MTHFD1L: variants seen among roughly 807,000 people sequenced by gnomAD.
MTHFD1L encodes the protein methylenetetrahydrofolate dehydrogenase (NADP+ dependent) 1 like.
In MTHFD1L, 81 loss-of-function variants were observed where a neutral mutation model predicts 119.5. The ratio of observed to expected loss-of-function variants is 0.68; its 90% CI spans 0.57 to 0.82. The LOEUF is 0.82. Ranked by LOEUF, MTHFD1L falls within the 40% of genes least tolerant of loss-of-function variation. The pLI is 0.00. For synonymous variants in MTHFD1L, 430 were observed against 475.2 expected, an observed-to-expected ratio of 0.90 and a Z score of 1.24; for missense variants, 1,125 against 1,253.4, an observed-to-expected ratio of 0.90 and a Z score of 1.55.
At chr6:151,070,003 T>C (rs1388723418) in intron 26 of MTHFD1L, among the ~76,000 whole-genome samples, 3 of 152,214 alleles carry the variant, frequency 2.0e-5, no homozygotes, top group Non-Finnish European at 2.9e-5. Flanking sequence ...AAGGTGTCTT[T>C]TTTTTAAGTT....
At chr6:151,001,716 C>T (rs1584051426) in intron 20 of MTHFD1L, among the ~76,000 whole-genome samples, 1 of 152,094 alleles carries the variant, frequency 6.6e-6, no homozygotes, top group African/African-American at 2.4e-5. Flanking sequence ...ACCTGTGTGG[C>T]CTGTTCCTGC....
At position 151,095,846 on chromosome 6, in the gene MTHFD1L, C is replaced by T. The variant is rs573839657; in HGVS notation, c.*31+3259C>T. 8.5e-5 allele frequency among the ~76,000 whole-genome samples: 13 copies of T among 152,360 alleles called. No homozygotes were observed. In the South Asian group the frequency reaches 2.3e-3, roughly 27 times the overall value. ...CTTGCCACCCTGTGGCACTGCCTCT[C>T]ATTTCATAGCTGGCACATGTCATTT... is the stretch of plus-strand genomic sequence containing the variant. On this transcript the variant is annotated intron_variant, in intron 27 of 27. Transcript: ENST00000367321.
At chr6:151,038,427 G>A (rs1786539285) in intron 26 of MTHFD1L, among the ~76,000 whole-genome samples, 1 of 152,134 alleles carries the variant, frequency 6.6e-6, no homozygotes, top group South Asian at 2.1e-4. Context: ...GGTGGCTGGG[G>A]ATGGGAATGG....
At chr6:150,999,751 TA>T (rs1780342555) in intron 20 of MTHFD1L, among the ~76,000 whole-genome samples, 1 of 152,206 alleles carries the variant, frequency 6.6e-6, no homozygotes, top group Non-Finnish European at 1.5e-5. Flanking sequence ...TGGTTCTAAA[TA>T]ATGTAAACCG....
intron 6 of MTHFD1L, 79 bp from the exon 7 acceptor site, chr6:150,887,766 C>G: frequency 1.4e-6 from 2 of 1,447,540 alleles, no homozygotes; most frequent in Non-Finnish European, 1.8e-6. Context: ...CTAAAAGGGT[C>G]TTTTTTTCTT....
chr6:150,904,429 G>A (rs2295083), intron 7 of MTHFD1L, among the ~76,000 whole-genome samples: 29,607 of 152,056 alleles, frequency 0.19, 2,949 homozygotes, highest in African/African-American at 0.24. Context: ...TTCACTAGGA[G>A]ACACAGGACA....
chr6:150,971,784 T>A (rs1332542518), intron 19 of MTHFD1L, among the ~76,000 whole-genome samples, 163 bp from the exon 20 acceptor site: 1 of 152,194 alleles, frequency 6.6e-6, no homozygotes, highest in Non-Finnish European at 1.5e-5. Flanking sequence ...GGGAATTTGG[T>A]CCTTTGATTG....
chr6:150,945,220 G>A (rs1015190873), intron 14 of MTHFD1L, among the ~76,000 whole-genome samples: 76 of 152,350 alleles, frequency 5.0e-4, no homozygotes, highest in Middle Eastern at 3.4e-3. Flanking sequence ...GGTAGTTGTA[G>A]CGATATAGAT....
chr6:151,008,974 T>C (rs1449819092), intron 20 of MTHFD1L, among the ~76,000 whole-genome samples: 1 of 150,080 alleles, frequency 6.7e-6, no homozygotes, highest in Non-Finnish European at 1.5e-5. Flanking sequence ...AAAAAAAAAT[T>C]AGCCGGGTGT....
intron 26 of MTHFD1L, among the ~76,000 whole-genome samples, chr6:151,038,548 TTTTG>T (rs1786564336): frequency 6.6e-6 from 1 of 152,038 alleles, no homozygotes; most frequent in Non-Finnish European, 1.5e-5. Flanking sequence ...AGGGTGGGTT[TTTTG>T]TTTGTTTGTT....
intron 1 of MTHFD1L, among the ~76,000 whole-genome samples, chr6:150,873,616 A>G (rs1779912321): frequency 6.6e-6 from 1 of 152,102 alleles, no homozygotes; most frequent in African/African-American, 2.4e-5. Context: ...CTCTGTTAAA[A>G]ATGCACATTT....
intron 7 of MTHFD1L, among the ~76,000 whole-genome samples, chr6:150,899,401 T>A (rs1784764174): frequency 6.6e-6 from 1 of 152,182 alleles, no homozygotes; most frequent in South Asian, 2.1e-4. Flanking sequence ...AAAAAAATTC[T>A]CCCAGGATGA....
At chr6:150,916,881 C>T (rs1788065603) in intron 8 of MTHFD1L, among the ~76,000 whole-genome samples, 2 of 149,778 alleles carry the variant, frequency 1.3e-5, no homozygotes, top group Admixed American at 1.3e-4. Context: ...CCTGCCTCAG[C>T]CTCCTGAGTA....
At chr6:151,043,027 C>T (rs1276007342) in intron 26 of MTHFD1L, among the ~76,000 whole-genome samples, 7 of 152,056 alleles carry the variant, frequency 4.6e-5, no homozygotes, top group African/African-American at 1.4e-4. Flanking sequence ...GCTGTGTTTT[C>T]GCACCTCAAA....
chr6:151,055,139 G>A (rs1789680453), intron 26 of MTHFD1L: 1 of 152,086 alleles, frequency 6.6e-6, no homozygotes, highest in Non-Finnish European at 1.5e-5. Flanking sequence ...GGTGTTGGGT[G>A]CCTGTAATCC....
intron 20 of MTHFD1L, among the ~76,000 whole-genome samples, chr6:151,000,724 G>A (rs557857374): frequency 2.0e-5 from 3 of 152,288 alleles, no homozygotes; most frequent in South Asian, 2.1e-4. Flanking sequence ...CAGAATTCAT[G>A]TGTTGCTGTG....
intron 26 of MTHFD1L, among the ~76,000 whole-genome samples, chr6:151,080,135 G>A (rs867004747): frequency 5.3e-5 from 8 of 151,958 alleles, no homozygotes; most frequent in Non-Finnish European, 1.0e-4. Context: ...CCGAGATTGC[G>A]CCATTGCACT....
Position 150,865,871 on chromosome 6 carries a change from C to T in MTHFD1L, c.49C>T (p.Gln17Ter). The T allele has an allele frequency of 1.6e-6, 2 of 1,212,672 alleles. No individual in the cohort carries two copies. Among genetic ancestry groups the T allele is most frequent in the Non-Finnish European group, 2.0e-6 (2 of 977,134 alleles). 75.1% of individuals were successfully genotyped at this position (1,212,672 alleles called of 1,614,324 possible). ...CCTGCGCCAGCTCCGCCGCCCGCCCCAGCCCCCGGGCCCTCCGCGCCGCCT... is the reference window on the plus strand; with the variant it reads ...CCTGCGCCAGCTCCGCCGCCCGCCCTAGCCCCCGGGCCCTCCGCGCCGCCT... ...LVLRQLRRPP[Q>*]PPGPPRRLRV... Residue 17 changes from glutamine (Q) to a stop codon, truncating the protein, a stop_gained, in exon 1 of 28, where the codon CAG (glutamine) becomes TAG (stop). Coordinates refer to ENST00000367321, the MANE Select transcript of MTHFD1L (RefSeq NM_015440.5). LOFTEE classifies it high-confidence loss of function.
Position 151,092,601 on chromosome 6 carries a change from CTTCAACTTT to C in MTHFD1L, c.*31+18_*31+26del. On this transcript the variant is annotated intron_variant, in intron 27 of 27. Transcript: ENST00000367321. ...GACCCGATGCAGGTAGGCTGATGTGCTTCAACTTTTTCTCTCTTTGTTTTTTTCCAGTTC... is the reference window on the plus strand; with the variant it reads ...GACCCGATGCAGGTAGGCTGATGTGCTTCTCTCTTTGTTTTTTTCCAGTTC... 1 of 1,497,056 alleles carries C rather than the reference CTTCAACTTT, an allele frequency of 6.7e-7. No individual in the cohort carries two copies. Among genetic ancestry groups the C allele is most frequent in the Non-Finnish European group, 9.1e-7 (1 of 1,093,528 alleles). 92.7% of individuals were successfully genotyped at this position (1,497,056 alleles called of 1,614,324 possible). A position where few individuals can be genotyped will look rare whatever the true frequency, so the allele number is the denominator to read the frequency against.
Sources: gnomAD v4.1 joint callset for allele counts (sites outside exome capture counted in the v4.1 genomes callset) on GRCh38, gnomAD v4.1.1 for gene constraint, MANE v1.5 for transcripts, NCBI Gene and HGNC (gene_info 2026-07-23, HGNC 2026-07-21) for gene names.